The following SLC16A3 variants were observed in gnomAD, a reference collection of about 807,000 sequenced individuals.
SLC16A3 encodes the protein monocarboxylate transporter 4.
Under a neutral mutation model 25.0 loss-of-function variants are expected in SLC16A3, and 22 were observed. The observed-to-expected ratio is 0.88, with a 90% CI of 0.63 to 1.26. SLC16A3 has a LOEUF of 1.26. SLC16A3 is among the 50% of genes most tolerant of loss of function. The pLI, the probability that SLC16A3 is intolerant of heterozygous loss-of-function variation, is 0.00. For synonymous variants in SLC16A3, 390 were observed against 309.2 expected, an observed-to-expected ratio of 1.26 and a Z score of -2.74; for missense variants, 731 against 666.6, an observed-to-expected ratio of 1.10 and a Z score of -1.06.
chr17:82,218,427 T>G (rs1249883344), intron 1 of SLC16A3, among the ~76,000 whole-genome samples: 1 of 121,568 alleles, frequency 8.2e-6, no homozygotes, highest in African/African-American at 3.3e-5. Flanking sequence ...CACTGCGGGG[T>G]GGACGGCCAA....
At chr17:82,217,968 C>T (rs552853879) in exon 1 of SLC16A3, among the ~76,000 whole-genome samples, 7 of 152,374 alleles carry the variant, frequency 4.6e-5, no homozygotes, top group South Asian at 4.1e-4. Context: ...GGCCTCTAGC[C>T]ACAGCCTGGC....
At chr17:82,236,986 C>T (rs1040112083) in intron 3 of SLC16A3, 114 bp downstream of exon 3, 45 of 1,488,542 alleles carry the variant, frequency 3.0e-5, no homozygotes, top group African/African-American at 1.1e-4. Flanking sequence ...CGGGGTGTCC[C>T]GGCCCCACCT....
rs573772053 is a variant in SLC16A3, at chr17:82,221,473, G to A, written c.-27+3289G>A. 1.1e-4 allele frequency among the ~76,000 whole-genome samples: 17 copies of A among 152,086 alleles called. No homozygotes were observed. The Middle Eastern group carries it at 0.01, about 91-fold the overall frequency. ...TCCCAGCTACTTGGGAGGCTGAGGC[G>A]GGGAAGACTCGTGTGAACCCGGGAG... On this transcript the variant is annotated intron_variant, in intron 1 of 4. Transcript: ENST00000580098.
rs61761949 is a variant in SLC16A3 at position 82,238,844 on chromosome 17, G to C, written c.1266G>C (p.Ala422=). ...CCAAAGAGCCACAGCCTGAGGTGGC[G>C]GCCGCGGAGGAGGAGAAGCTCCACA... The part of the protein sequence containing the change: ...KKPKEPQPEV[A]AAEEEKLHKP... The change falls in exon 5 of 5, where the codon GCG becomes GCC. Residue 422 remains alanine, a synonymous_variant. Transcript: ENST00000582743. The C allele has an allele frequency of 1.6e-5, 25 of 1,612,444 alleles. No homozygotes were observed. In the African/African-American group the frequency reaches 3.2e-4, roughly 21 times the overall value.
rs2050595006 is a variant in SLC16A3 at position 82,236,134 on chromosome 17, C to T, written c.126C>T (p.Val42=). The part of the protein sequence containing the change: ...TGFSYAFPKA[V]SVFFKELIQE... ...TCTCCTACGCCTTCCCCAAGGCCGT[C>T]AGTGTCTTCTTCAAGGAGCTCATAC... Residue 42 remains valine (V), a synonymous_variant, in exon 2 of 5, where the codon GTC becomes GTT. Transcript: ENST00000582743. 6.2e-7 allele frequency: 1 copy of T among 1,613,306 alleles called. No individual in the cohort carries two copies.
intron 1 of SLC16A3, chr17:82,234,010 T>G (rs1201149153): frequency 1.3e-5 from 2 of 152,152 alleles, no homozygotes; most frequent in African/African-American, 4.8e-5. Flanking sequence ...CCAGCTAATT[T>G]TTTTTATTTT....
rs1490495034 is a variant in SLC16A3 at position 82,239,150 on chromosome 17, G to A, written c.*174G>A. 2.2e-5 allele frequency: 14 copies of A among 622,360 alleles called. No individual in the cohort carries two copies. The highest frequency in any genetic ancestry group is 3.7e-5 in the African/African-American group (2 of 53,844). The allele number at this position is 622,360 out of a possible 1,614,324, so 38.6% of individuals were successfully genotyped here. A position where few individuals can be genotyped will look rare whatever the true frequency, so the allele number is the denominator to read the frequency against. On this transcript the variant is annotated 3_prime_UTR_variant, in exon 5 of 5. Coordinates refer to ENST00000582743, the MANE Select transcript of SLC16A3 (RefSeq NM_004207.4). ...GGGGGAAGGTGGCGGGGTGGGAACC[G>A]TGTCATTCCAGAGTGGATCTGCGGT... is the stretch of plus-strand genomic sequence containing the variant.
upstream of SLC16A3, among the ~76,000 whole-genome samples, chr17:82,228,181 A>G (rs569452743): frequency 2.6e-5 from 4 of 152,342 alleles, no homozygotes; most frequent in East Asian, 7.7e-4. Flanking sequence ...CCCTGGAGCC[A>G]CCTCAAACCT....
chr17:82,227,695 C>T (rs1190473337), upstream of SLC16A3, among the ~76,000 whole-genome samples: 2 of 150,818 alleles, frequency 1.3e-5, no homozygotes, highest in African/African-American at 2.4e-5. Context: ...CAGCACGGGC[C>T]AACTAAGTAG....
In SLC16A3 at chr17:82,237,834, C is replaced by G; in HGVS notation, c.1064C>G (p.Ala355Gly). The G allele has an allele frequency of 6.2e-7, 1 of 1,607,846 alleles. No homozygotes were observed. Among genetic ancestry groups the G allele is most frequent in the East Asian group, 2.2e-5 (1 of 44,876 alleles). Residue 355 changes from alanine (A) to glycine (G), a missense_variant, in exon 4 of 5, where the codon GCC becomes GGC. Physicochemically the swap from Ala to Gly is moderately conservative, Grantham distance 60. Transcript: ENST00000582743. ...AIVGTHKFSS[A>G]IGLVLLMEAV... is the part of the protein sequence containing the mutation. ...GTGGGCACCCACAAGTTCTCCAGTG[C>G]CATTGGCCTGGTGCTGCTGATGGAG...
At chr17:82,219,073 C>T (rs2050373096) in intron 1 of SLC16A3, among the ~76,000 whole-genome samples, 1 of 152,168 alleles carries the variant, frequency 6.6e-6, no homozygotes, top group South Asian at 2.1e-4. Context: ...TCCTAAGGAC[C>T]GTGAGAGTGG....
chr17:82,232,983 T>C (rs553474928), intron 1 of SLC16A3, among the ~76,000 whole-genome samples: 90 of 149,060 alleles, frequency 6.0e-4, no homozygotes, highest in African/African-American at 2.2e-3. Context: ...GAGAGGCCAA[T>C]GCTTGGTGGC....
At chr17:82,235,666 A>G in intron 1 of SLC16A3, 1 of 396,738 alleles carries the variant, frequency 2.5e-6, no homozygotes, top group Non-Finnish European at 4.8e-6. Context: ...AATGACGGCC[A>G]GGTCGATGTT....
chr17:82,235,661 C>T (rs1204690552), intron 1 of SLC16A3: 18 of 389,448 alleles, frequency 4.6e-5, no homozygotes, highest in African/African-American at 1.0e-4. Flanking sequence ...GCAGAAATGA[C>T]GGCCAGGTCG....
rs2050715458 is a variant in SLC16A3, at chr17:82,239,842, C to T, written c.*866C>T. The T allele has an allele frequency of 2.2e-6, 1 of 454,448 alleles. No individual in the cohort carries two copies. Among genetic ancestry groups the T allele is most frequent in the Non-Finnish European group, 3.6e-6 (1 of 278,228 alleles). The allele number at this position is 454,448 out of a possible 1,614,324, so 28.2% of individuals were successfully genotyped here. On this transcript the variant is annotated 3_prime_UTR_variant, in exon 5 of 5. Coordinates refer to ENST00000582743, the MANE Select transcript of SLC16A3 (RefSeq NM_004207.4). ...TGCGTGGTGTGGTCAGTGCCCAGGG[C>T]TGGTCTTTGCACCCTGTCCTCCATC...
Position 82,237,197 on chromosome 17 carries a change from A to G in SLC16A3, c.427A>G (p.Lys143Glu). Residue 143 changes from lysine to glutamate, a missense_variant, in exon 4 of 5, where the codon AAG (lysine) becomes GAG (glutamate). Lys to Glu is a moderately conservative substitution (Grantham distance 56). Coordinates refer to ENST00000582743, the MANE Select transcript of SLC16A3 (RefSeq NM_004207.4). ...SLIMLNRYFS[K>E]RRPMANGLAA... ...CATCATGCTGAACCGCTACTTCAGC[A>G]AGCGGCGCCCCATGGCCAACGGGCT... 1 of 1,531,958 alleles carries G rather than the reference A, an allele frequency of 6.5e-7. No individual in the cohort carries two copies. Among genetic ancestry groups the G allele is most frequent in the Middle Eastern group, 1.7e-4 (1 of 5,852 alleles). 94.9% of individuals were successfully genotyped at this position (1,531,958 alleles called of 1,614,324 possible).
intron 1 of SLC16A3, chr17:82,229,780 C>T (rs1257211174): frequency 6.6e-6 from 1 of 152,302 alleles, no homozygotes; most frequent in African/African-American, 2.4e-5. Flanking sequence ...CTCAGTTTCC[C>T]TATACGAAAA....
Position 82,236,765 on chromosome 17 carries a change from G to A in SLC16A3, c.260G>A (p.Cys87Tyr). Residue 87 changes from cysteine (C) to tyrosine (Y), a missense_variant, in exon 3 of 5, where the codon TGC becomes TAC. Coordinates refer to ENST00000582743, the MANE Select transcript of SLC16A3 (RefSeq NM_004207.4). ...LCSVCVNRFG[C>Y]RPVMLVGGLF... The stretch of plus-strand genomic sequence containing the variant: ...AGTGTGTGCGTGAACCGCTTTGGCT[G>A]CCGGCCCGTCATGCTTGTGGGGGGT... 6.2e-7 allele frequency: 1 copy of A among 1,608,596 alleles called. No individual in the cohort carries two copies.
Position 82,236,095 on chromosome 17 carries a change from C to A in SLC16A3, c.87C>A (p.Phe29Leu). 6.2e-7 allele frequency: 1 copy of A among 1,613,096 alleles called. No individual in the cohort carries two copies. The highest frequency in any genetic ancestry group is 8.5e-7 in the Non-Finnish European group (1 of 1,179,964). ...GWGWAVLFGC[F>L]VITGFSYAFP... ...GCTGGGCCGTGCTCTTCGGCTGTTT[C>A]GTCATCACTGGCTTCTCCTACGCCT... is the stretch of plus-strand genomic sequence containing the variant. Residue 29 changes from phenylalanine (F) to leucine (L), a missense_variant, in exon 2 of 5, where the codon TTC becomes TTA. Coordinates refer to ENST00000582743, the MANE Select transcript of SLC16A3 (RefSeq NM_004207.4).
Sources: allele counts gnomAD v4.1 joint callset (sites outside exome capture counted in the v4.1 genomes callset), GRCh38; gene constraint gnomAD v4.1.1; transcripts MANE v1.5; gene names NCBI Gene and HGNC (gene_info 2026-07-23, HGNC 2026-07-21).